VASH2: variants seen among roughly 807,000 people sequenced by gnomAD.
The protein encoded by VASH2 is vasohibin 2.
In VASH2, 28 loss-of-function variants were observed where a neutral mutation model predicts 37.2. That is an observed-to-expected ratio of 0.75 (90% CI 0.56 to 1.03). The LOEUF is 1.03. VASH2 is among the 50% of genes least tolerant of loss of function. The probability of loss-of-function intolerance (pLI) is 0.00; values close to 1 mark genes in which losing one functional copy is unlikely to be tolerated. For missense variants in VASH2, 419 were observed against 459.1 expected (o/e 0.91, Z 0.80); for synonymous variants, 188 against 174.7 (o/e 1.08, Z -0.60).
rs138173357 is a variant in VASH2 at position 212,951,347 on chromosome 1, G to A, written c.-196G>A. 2,302 of 168,754 alleles carry A rather than the reference G, an allele frequency of 0.014. 59 individuals carry two copies. The highest frequency in any genetic ancestry group is 0.049 in the African/African-American group (2,032 of 41,832). The allele number at this position is 168,754 out of a possible 1,614,324, so 10.5% of individuals were successfully genotyped here. Reference sequence around the variant, plus strand: ...GTCTCCGCTGATTTCAGGCACCGCCGGTAAGCAGGGAGCCTCCGCGGAGCT... The same window carrying A: ...GTCTCCGCTGATTTCAGGCACCGCCAGTAAGCAGGGAGCCTCCGCGGAGCT... On this transcript the variant is annotated 5_prime_UTR_variant, in exon 2 of 8. Transcript: ENST00000517399. The surrounding 1 kb of genome is among the most constrained non-coding windows in gnomAD (Gnocchi z 4.4).
chr1:212,972,497 C>A, intron 5 of VASH2, 83 bp from the exon 6 acceptor site: 2 of 1,547,252 alleles, frequency 1.3e-6, no homozygotes, highest in Non-Finnish European at 1.7e-6. Flanking sequence ...ACTCACTGAA[C>A]CCTGAGACAC....
At chr1:212,958,451 C>T (rs533931658) in intron 2 of VASH2, among the ~76,000 whole-genome samples, 2 of 152,330 alleles carry the variant, frequency 1.3e-5, no homozygotes, top group South Asian at 4.1e-4. Flanking sequence ...CATCGGGTTG[C>T]TATTTTGGGG....
At chr1:212,966,829 G>A (rs1666864408) in intron 5 of VASH2, 1 of 344,040 alleles carries the variant, frequency 2.9e-6, no homozygotes, top group Admixed American at 3.8e-5. Flanking sequence ...CCAGGCTCAA[G>A]TGACCTTCTG....
chr1:212,978,105 A>C (rs1390280484), intron 7 of VASH2, among the ~76,000 whole-genome samples: 1 of 152,120 alleles, frequency 6.6e-6, no homozygotes, highest in Admixed American at 6.6e-5. Context: ...CTGACCCTGC[A>C]CTGGCTCCCA....
intron 7 of VASH2, among the ~76,000 whole-genome samples, chr1:212,982,210 A>C (rs956255714): frequency 1.4e-4 from 21 of 152,180 alleles, no homozygotes; most frequent in African/African-American, 4.6e-4. Flanking sequence ...GAGTCCATTT[A>C]CGTCACAACA....
chr1:212,973,818 T>C (rs1424621575), intron 6 of VASH2, 137 bp from the exon 7 acceptor site: 90 of 1,427,036 alleles, frequency 6.3e-5, no homozygotes, highest in Non-Finnish European at 8.3e-5. Context: ...CCTCCTTTTT[T>C]AGAAGTCTTC....
intron 6 of VASH2, 35 bp from the exon 7 acceptor site, chr1:212,973,920 G>C: frequency 6.2e-7 from 1 of 1,605,268 alleles, no homozygotes; most frequent in Non-Finnish European, 8.5e-7. Context: ...GGTCCCTTAG[G>C]AACCAGGGTG....
At chr1:212,969,702 T>C in intron 5 of VASH2, among the ~76,000 whole-genome samples, 1 of 152,200 alleles carries the variant, frequency 6.6e-6, no homozygotes, top group East Asian at 1.9e-4. Flanking sequence ...CTCTGTCTTT[T>C]CTCTTTGCTT....
At chr1:212,965,615 C>A in intron 3 of VASH2, 107 bp from the exon 4 acceptor site, 1 of 1,031,878 alleles carries the variant, frequency 9.7e-7, no homozygotes, top group Non-Finnish European at 1.4e-6. Context: ...CTTCTGAAAG[C>A]CCTCACATCC....
At chr1:212,955,935 G>GC (rs536718265) in intron 2 of VASH2, among the ~76,000 whole-genome samples, 29 of 152,356 alleles carry the variant, frequency 1.9e-4, no homozygotes, top group African/African-American at 6.7e-4. Flanking sequence ...TGTTGCAGGA[G>GC]CCTGGGGCTC....
intron 7 of VASH2, among the ~76,000 whole-genome samples, chr1:212,982,525 G>T (rs59489266): frequency 0.037 from 5,675 of 152,192 alleles, 151 homozygotes; most frequent in Admixed American, 0.054. Flanking sequence ...ATTCTAATTA[G>T]AGCTGGGGGA....
chr1:212,967,402 G>A (rs1666884259), intron 5 of VASH2: 1 of 1,193,236 alleles, frequency 8.4e-7, no homozygotes, highest in African/African-American at 1.6e-5. Flanking sequence ...GAGCAAAGAT[G>A]CTCCGAAGTC....
intron 3 of VASH2, among the ~76,000 whole-genome samples, chr1:212,961,623 C>G (rs2935215): frequency 0.62 from 93,948 of 151,992 alleles, 29,241 homozygotes; most frequent in African/African-American, 0.69. Context: ...TTCTTTTTGA[C>G]ATGAGGACTT....
chr1:212,988,713 A>G lies in VASH2; in HGVS notation c.*129A>G. On this transcript the variant is annotated 3_prime_UTR_variant, in exon 8 of 8. Coordinates refer to ENST00000517399, the MANE Select transcript of VASH2 (RefSeq NM_001301056.2). ...TTTATTTTTAAGGATTCACCTGGAA[A>G]TAGAATCTGAGTGGGTGGTAACCAT... 2.0e-6 allele frequency: 2 copies of G among 1,024,616 alleles called. No homozygotes were observed. Among genetic ancestry groups the G allele is most frequent in the Non-Finnish European group, 1.5e-6 (1 of 680,496 alleles). 63.5% of individuals were successfully genotyped at this position (1,024,616 alleles called of 1,614,324 possible).
At chr1:212,985,345 T>G (rs1667449059) in intron 7 of VASH2, among the ~76,000 whole-genome samples, 1 of 150,708 alleles carries the variant, frequency 6.6e-6, no homozygotes, top group Non-Finnish European at 1.5e-5. Context: ...CCAGCCATGA[T>G]TCACTTTTAT....
At chr1:212,954,221 T>A (rs1386909144) in intron 2 of VASH2, among the ~76,000 whole-genome samples, 1 of 152,102 alleles carries the variant, frequency 6.6e-6, no homozygotes, top group Non-Finnish European at 1.5e-5. Context: ...CCTTTTGCCC[T>A]TTCTTATATG....
At chr1:212,979,937 G>C (rs987308992) in intron 7 of VASH2, among the ~76,000 whole-genome samples, 6 of 152,212 alleles carry the variant, frequency 3.9e-5, no homozygotes, top group Non-Finnish European at 5.9e-5. Context: ...AACCCTTGCA[G>C]CTCTTCACTA....
intron 7 of VASH2, among the ~76,000 whole-genome samples, chr1:212,984,862 G>A (rs1286266339): frequency 1.3e-5 from 2 of 152,158 alleles, no homozygotes; most frequent in Non-Finnish European, 2.9e-5. Context: ...TATGACTCCT[G>A]ACTTCATTTG....
At chr1:212,965,597 G>A (rs1666817087) in intron 3 of VASH2, 125 bp from the exon 4 acceptor site, 1 of 790,394 alleles carries the variant, frequency 1.3e-6, no homozygotes, top group Non-Finnish European at 2.1e-6. Context: ...CCTTCTGGGT[G>A]CTGGCGACTT....
Sources: allele counts gnomAD v4.1 joint callset (sites outside exome capture counted in the v4.1 genomes callset), GRCh38; gene constraint gnomAD v4.1.1; non-coding constraint Gnocchi (gnomAD v3.1); transcripts MANE v1.5; gene names NCBI Gene and HGNC (gene_info 2026-07-23, HGNC 2026-07-21).